Variants in SLC24A2 observed in about 807,000 individuals in gnomAD.
SLC24A2 encodes the protein solute carrier family 24 member 2, also known as sodium/potassium/calcium exchanger 2.
SLC24A2 carries 36 observed loss-of-function variants against 62.0 expected under a neutral mutation model. The observed-to-expected ratio is 0.58, with a 90% CI of 0.44 to 0.77. The LOEUF (loss-of-function observed/expected upper bound fraction) is 0.77. SLC24A2 is among the 30% of genes least tolerant of loss of function. The pLI is 0.00. For missense variants in SLC24A2, 846 were observed against 817.9 expected (o/e 1.03, Z -0.42); for synonymous variants, 358 against 294.0 (o/e 1.22, Z -2.23).
intron 2 of SLC24A2, among the ~76,000 whole-genome samples, chr9:19,761,856 C>G (rs567649660): frequency 1.3e-5 from 2 of 152,190 alleles, no homozygotes; most frequent in African/African-American, 4.8e-5. Context: ...GTATATGTGC[C>G]ACATTTTCTT....
chr9:19,512,122 C>G lies in SLC24A2; in HGVS notation c.*4031G>C, dbSNP rs531434318. On this transcript the variant is annotated 3_prime_UTR_variant, in exon 11 of 11. Transcript: ENST00000341998. ...TAGCTCATCTCTTCTCTCACTGTTCCAGAGGCCTTTAAAAGCTATGTGCAG... is the reference window on the plus strand; with the variant it reads ...TAGCTCATCTCTTCTCTCACTGTTCGAGAGGCCTTTAAAAGCTATGTGCAG... 8 of 152,264 alleles carry G rather than the reference C, an allele frequency of 5.3e-5. No individual in the cohort carries two copies. In the South Asian group the frequency reaches 1.7e-3, roughly 32 times the overall value. The allele number at this position is 152,264 out of a possible 1,614,324, so 9.4% of individuals were successfully genotyped here.
At chr9:19,708,238 G>A (rs1487325844) in intron 2 of SLC24A2, among the ~76,000 whole-genome samples, 4 of 152,194 alleles carry the variant, frequency 2.6e-5, no homozygotes, top group East Asian at 1.9e-4. Context: ...ACAAACCACT[G>A]CTCAAGGAAA....
At chr9:20,034,084 G>A in the SLC24A2 span, among the ~76,000 whole-genome samples, 1,429 of 152,248 alleles carry the variant, frequency 9.4e-3, 31 homozygotes, top group African/African-American at 0.033. Context: ...TTAAAGATAT[G>A]GAGGAAATTT....
chr9:19,710,011 A>C (rs1820667055), intron 2 of SLC24A2, among the ~76,000 whole-genome samples: 1 of 152,204 alleles, frequency 6.6e-6, no homozygotes, highest in Non-Finnish European at 1.5e-5. Flanking sequence ...GTTGTTTCAG[A>C]GGACTTTGGC....
chr9:19,801,569 G>A, the SLC24A2 span, among the ~76,000 whole-genome samples: 1 of 152,224 alleles, frequency 6.6e-6, no homozygotes, highest in East Asian at 1.9e-4. Flanking sequence ...GCCGCTGCCA[G>A]CTCAAATTCC....
At chr9:19,995,416 A>T in the SLC24A2 span, among the ~76,000 whole-genome samples, 1 of 152,108 alleles carries the variant, frequency 6.6e-6, no homozygotes, top group Non-Finnish European at 1.5e-5. Flanking sequence ...AAGGAAAGAA[A>T]AACAGAACTT....
chr9:19,769,282 A>C (rs1460039452), intron 2 of SLC24A2, among the ~76,000 whole-genome samples: 1 of 152,130 alleles, frequency 6.6e-6, no homozygotes. Flanking sequence ...TCTACCTTCA[A>C]GATACGTCCA....
intron 2 of SLC24A2, among the ~76,000 whole-genome samples, chr9:19,652,526 G>C (rs1290804902): frequency 1.3e-5 from 2 of 152,024 alleles, no homozygotes; most frequent in Non-Finnish European, 2.9e-5. Flanking sequence ...TGGGGGAATG[G>C]GACGCACACC....
At chr9:19,517,303 G>T (rs1385145415) in intron 10 of SLC24A2, among the ~76,000 whole-genome samples, 1 of 152,200 alleles carries the variant, frequency 6.6e-6, no homozygotes. Flanking sequence ...CAGCATGGTG[G>T]CTAAGGAGAT....
chr9:19,696,511 G>A (rs182699072), intron 2 of SLC24A2, among the ~76,000 whole-genome samples: 115 of 152,262 alleles, frequency 7.6e-4, no homozygotes, highest in Non-Finnish European at 1.2e-3. Flanking sequence ...TGGCAGGAAG[G>A]AAAGTAACTG....
the SLC24A2 span, among the ~76,000 whole-genome samples, chr9:19,798,598 C>CACACACACA: frequency 6.8e-6 from 1 of 146,448 alleles, no homozygotes; most frequent in African/African-American, 2.5e-5. Flanking sequence ...ATCCTTTATA[C>CACACACACA]CACACACACA....
intron 9 of SLC24A2, among the ~76,000 whole-genome samples, chr9:19,524,990 T>C (rs1347855221): frequency 6.6e-6 from 1 of 152,204 alleles, no homozygotes; most frequent in Non-Finnish European, 1.5e-5. Context: ...AAAACTATTA[T>C]ATGTTATAAA....
chr9:20,004,803 AGAT>A, the SLC24A2 span, among the ~76,000 whole-genome samples: 1 of 138,158 alleles, frequency 7.2e-6, no homozygotes, highest in Non-Finnish European at 1.6e-5. Context: ...TGTGCTGTGA[AGAT>A]GATGATTTTT....
the SLC24A2 span, among the ~76,000 whole-genome samples, chr9:20,129,966 G>C: frequency 2.3e-4 from 14 of 60,234 alleles, no homozygotes; most frequent in East Asian, 2.6e-4. Context: ...CACACACACA[G>C]AGGTTAAGAT....
At chr9:19,973,061 G>A in the SLC24A2 span, among the ~76,000 whole-genome samples, 1 of 152,180 alleles carries the variant, frequency 6.6e-6, no homozygotes, top group Non-Finnish European at 1.5e-5. Context: ...AGGGAAGCCA[G>A]GTGCAGTGGT....
the SLC24A2 span, among the ~76,000 whole-genome samples, chr9:20,026,359 T>A: frequency 3.9e-5 from 6 of 152,222 alleles, no homozygotes; most frequent in African/African-American, 7.2e-5. Context: ...AAGACAATGA[T>A]CATAAAATGC....
At chr9:20,173,680 C>T in the SLC24A2 span, among the ~76,000 whole-genome samples, 1 of 152,074 alleles carries the variant, frequency 6.6e-6, no homozygotes, top group Non-Finnish European at 1.5e-5. Context: ...CTACAAAACA[C>T]TGCTGAAATA....
chr9:19,786,282 C>A lies in SLC24A2; in HGVS notation c.585G>T (p.Gly195=), dbSNP rs547198385. 3 of 1,614,098 alleles carry A rather than the reference C, an allele frequency of 1.9e-6. No homozygotes were observed. The highest frequency in any genetic ancestry group is 2.5e-6 in the Non-Finnish European group (3 of 1,180,032). The part of the protein sequence containing the change: ...SAPELFTSLI[G]VFIAHSNVGI... ...CAACGTTGCTGTGAGCGATAAATACCCCTATGAGAGATGTGAAAAGTTCTG... is the reference window on the plus strand; with the variant it reads ...CAACGTTGCTGTGAGCGATAAATACACCTATGAGAGATGTGAAAAGTTCTG... The change falls in exon 2 of 11, where the codon GGG becomes GGT. Residue 195 remains glycine (G), a synonymous_variant. Coordinates refer to ENST00000341998, the MANE Select transcript of SLC24A2 (RefSeq NM_020344.4). The surrounding 1 kb of genome is among the most constrained non-coding windows in gnomAD (Gnocchi z 5.0).
intron 5 of SLC24A2, among the ~76,000 whole-genome samples, chr9:19,583,452 G>A (rs1225581991): frequency 2.0e-5 from 3 of 152,170 alleles, no homozygotes; most frequent in Non-Finnish European, 4.4e-5. Context: ...ATTATTTGGT[G>A]CTTTCCACTG....
Sources: gnomAD v4.1 joint callset for allele counts (sites outside exome capture counted in the v4.1 genomes callset) on GRCh38, gnomAD v4.1.1 for gene constraint, Gnocchi (gnomAD v3.1) non-coding constraint, MANE v1.5 for transcripts, NCBI Gene and HGNC (gene_info 2026-07-23, HGNC 2026-07-21) for gene names.